Variants in PKP2 observed in about 807,000 individuals in gnomAD.
The protein encoded by PKP2 is plakophilin 2.
A neutral mutation model predicts 83.4 loss-of-function variants in PKP2; 73 were observed. The observed-to-expected ratio is 0.88, with a 90% CI of 0.72 to 1.06. The LOEUF (loss-of-function observed/expected upper bound fraction) is 1.06. PKP2 is among the 50% of genes least tolerant of loss of function. PKP2 has a pLI of 0.00. For synonymous variants in PKP2, 409 were observed against 430.4 expected, an observed-to-expected ratio of 0.95 and a Z score of 0.62; for missense variants, 966 against 1,065.4, an observed-to-expected ratio of 0.91 and a Z score of 1.30.
chr12:32,880,982 T>C (rs1333169965), intron 1 of PKP2, among the ~76,000 whole-genome samples: 2 of 152,194 alleles, frequency 1.3e-5, no homozygotes, highest in South Asian at 2.1e-4. Flanking sequence ...ATGTTGAGAA[T>C]ACAACAACAC....
intron 5 of PKP2, among the ~76,000 whole-genome samples, chr12:32,850,198 G>C (rs1484740107): frequency 1.3e-5 from 2 of 152,172 alleles, no homozygotes; most frequent in Non-Finnish European, 2.9e-5. Context: ...AAGGTGCATA[G>C]AGTTTCTAAT....
chr12:32,792,979 G>A, intron 11 of PKP2: 1 of 465,712 alleles, frequency 2.1e-6, no homozygotes, highest in Non-Finnish European at 4.0e-6. Flanking sequence ...GGCCAGGTGG[G>A]GTGGCTCACG....
chr12:32,892,771 C>T (rs539295082), intron 1 of PKP2, among the ~76,000 whole-genome samples: 100 of 119,520 alleles, frequency 8.4e-4, no homozygotes, highest in Non-Finnish European at 1.2e-3. Flanking sequence ...GTAGTAAATA[C>T]AATTTAAAAC....
chr12:32,867,935 A>T (rs193060918), intron 4 of PKP2, among the ~76,000 whole-genome samples: 1 of 152,180 alleles, frequency 6.6e-6, no homozygotes, highest in South Asian at 2.1e-4. Context: ...TATTGATTCC[A>T]TCTCTGAGGA....
At chr12:32,800,183 G>A (rs553273753) in intron 10 of PKP2, among the ~76,000 whole-genome samples, 4 of 152,208 alleles carry the variant, frequency 2.6e-5, no homozygotes, top group African/African-American at 7.2e-5. Context: ...TAATTTTATT[G>A]TGTGCCTTCA....
intron 4 of PKP2, among the ~76,000 whole-genome samples, chr12:32,855,735 C>T (rs1193725989): frequency 1.4e-5 from 2 of 138,050 alleles, no homozygotes; most frequent in African/African-American, 2.9e-5. Context: ...GAGATCAAGC[C>T]TCTGCACTCC....
At chr12:32,822,776 A>C (rs1956394772) in intron 7 of PKP2, 145 bp from the exon 8 acceptor site, 3 of 794,928 alleles carry the variant, frequency 3.8e-6, no homozygotes, top group Non-Finnish European at 6.4e-6. Context: ...GGGGAAATGC[A>C]ATGAGTATGG....
At position 32,792,015 on chromosome 12, in the gene PKP2, G is replaced by A. The variant is rs1341741591; in HGVS notation, c.*409C>T. ...AACAATACACTGGAGGCCCAATGGC[G>A]AAGCAATGTGCACATGAGTGACAAA... On this transcript the variant is annotated 3_prime_UTR_variant, in exon 13 of 13. Transcript: ENST00000340811. The A allele has an allele frequency of 6.1e-5, 18 of 296,274 alleles. No individual in the cohort carries two copies. Among genetic ancestry groups the A allele is most frequent in the South Asian group, 2.7e-4 (8 of 29,726 alleles). The allele number at this position is 296,274 out of a possible 1,614,324, so 18.4% of individuals were successfully genotyped here.
intron 7 of PKP2, among the ~76,000 whole-genome samples, chr12:32,823,685 C>G (rs1202689665): frequency 6.6e-6 from 1 of 151,512 alleles, no homozygotes; most frequent in Non-Finnish European, 1.5e-5. Context: ...CTGCTCACTG[C>G]AAGCTCTGGG....
At chr12:32,831,341 A>T (rs1312149248) in intron 6 of PKP2, among the ~76,000 whole-genome samples, 1 of 152,216 alleles carries the variant, frequency 6.6e-6, no homozygotes, top group South Asian at 2.1e-4. Context: ...AATAAAAAAA[A>T]TTTTAGCAGT....
intron 1 of PKP2, among the ~76,000 whole-genome samples, chr12:32,890,443 T>G (rs906222888): frequency 6.6e-6 from 1 of 152,236 alleles, no homozygotes; most frequent in Non-Finnish European, 1.5e-5. Context: ...GGTTAACGAA[T>G]GTTATTAAGT....
chr12:32,799,914 C>T (rs1184310080), intron 10 of PKP2, among the ~76,000 whole-genome samples: 1 of 152,110 alleles, frequency 6.6e-6, no homozygotes, highest in Admixed American at 6.5e-5. Flanking sequence ...ACCACCTGTA[C>T]CCAAAAATCT....
At chr12:32,878,564 GT>G (rs1565599636) in intron 2 of PKP2, 21 bp from the exon 3 acceptor site, 1 of 1,584,294 alleles carries the variant, frequency 6.3e-7, no homozygotes, top group South Asian at 1.1e-5. Context: ...GAGAAATAAA[GT>G]TTAAAGGGGG....
Position 32,821,459 on chromosome 12 carries a change from A to G in PKP2, c.1910T>C (p.Ile637Thr). 1 of 1,613,990 alleles carries G rather than the reference A, an allele frequency of 6.2e-7. No homozygotes were observed. Among genetic ancestry groups the G allele is most frequent in the Non-Finnish European group, 8.5e-7 (1 of 1,179,924 alleles). The change falls in exon 9 of 13, where the codon ATT becomes ACT. Residue 637 changes from isoleucine (I) to threonine (T), a missense_variant. Coordinates refer to ENST00000340811, the MANE Select transcript of PKP2 (RefSeq NM_001005242.3). Reference protein sequence around the residue: ...PKGVEWLWHSIVIRMYLSLIA... With the variant: ...PKGVEWLWHSTVIRMYLSLIA... ...CAAGGACAGATACATCCTTATAACA[A>G]TGGAATGCCACAGCCACTCCACGCC... is the stretch of plus-strand genomic sequence containing the variant.
intron 10 of PKP2, 26 bp from the exon 11 acceptor site, chr12:32,796,324 C>G: frequency 6.5e-7 from 1 of 1,528,102 alleles, no homozygotes; most frequent in Non-Finnish European, 9.0e-7. Context: ...AAAAACAAAA[C>G]ACTTGATTAA....
At chr12:32,863,883 C>T (rs761342581) in intron 4 of PKP2, among the ~76,000 whole-genome samples, 31 of 152,168 alleles carry the variant, frequency 2.0e-4, no homozygotes, top group Non-Finnish European at 3.5e-4. Flanking sequence ...CAGATCATGT[C>T]TTTTACACAG....
chr12:32,798,479 T>C (rs1484817285), intron 10 of PKP2, among the ~76,000 whole-genome samples: 1 of 151,596 alleles, frequency 6.6e-6, no homozygotes, highest in African/African-American at 2.4e-5. Flanking sequence ...AGTTTGGCTT[T>C]TTTTTTTTGT....
intron 4 of PKP2, among the ~76,000 whole-genome samples, chr12:32,867,608 T>C (rs911471244): frequency 4.6e-5 from 7 of 152,306 alleles, no homozygotes; most frequent in African/African-American, 7.2e-5. Flanking sequence ...TTAATACATA[T>C]TGAAGATTTC....
intron 4 of PKP2, among the ~76,000 whole-genome samples, chr12:32,853,320 C>T (rs1956717347): frequency 6.6e-6 from 1 of 150,654 alleles, no homozygotes; most frequent in South Asian, 2.1e-4. Context: ...TCTGAAAAAC[C>T]CTAAATTCAA....
Sources: allele counts gnomAD v4.1 joint callset (sites outside exome capture counted in the v4.1 genomes callset), GRCh38; gene constraint gnomAD v4.1.1; transcripts MANE v1.5; gene names NCBI Gene and HGNC (gene_info 2026-07-23, HGNC 2026-07-21).